Variants in CALD1 observed in about 807,000 individuals in gnomAD.
CALD1 encodes the protein caldesmon.
A neutral mutation model predicts 99.9 loss-of-function variants in CALD1; 33 were observed. The ratio of observed to expected loss-of-function variants is 0.33; its 90% CI spans 0.25 to 0.44. The LOEUF (loss-of-function observed/expected upper bound fraction) is 0.44, where lower values mean the gene tolerates loss of function less well. Ranked by LOEUF, CALD1 falls within the 20% of genes least tolerant of loss-of-function variation. CALD1 has a pLI of 1.00. For missense variants in CALD1, 861 were observed against 962.1 expected, an observed-to-expected ratio of 0.89 and a Z score of 1.39; for synonymous variants, 310 against 325.0, an observed-to-expected ratio of 0.95 and a Z score of 0.50.
chr7:134,830,977 C>T (rs1381026757), intron 1 of CALD1, among the ~76,000 whole-genome samples: 1 of 152,130 alleles, frequency 6.6e-6, no homozygotes, highest in Non-Finnish European at 1.5e-5. Context: ...CTCTACATTA[C>T]TTAGCAATGC....
In CALD1 at chr7:134,947,917, T is replaced by C. The variant is rs182349852; in HGVS notation, c.1794+148T>C. On this transcript the variant is annotated intron_variant, in intron 8 of 14. Transcript: ENST00000361675. Reference sequence around the variant, plus strand: ...TAGGTACTGTTTTATAACTTGTAGATGTATTAATTTGTCCACTGCTTCTAA... The same window carrying C: ...TAGGTACTGTTTTATAACTTGTAGACGTATTAATTTGTCCACTGCTTCTAA... The C allele has an allele frequency of 1.2e-4, 111 of 934,178 alleles. No individual in the cohort carries two copies. In the East Asian group the frequency reaches 2.7e-3, roughly 23 times the overall value. 57.9% of individuals were successfully genotyped at this position (934,178 alleles called of 1,614,324 possible).
intron 3 of CALD1, among the ~76,000 whole-genome samples, chr7:134,905,091 C>T (rs117917759): frequency 5.5e-4 from 84 of 152,186 alleles, no homozygotes; most frequent in Non-Finnish European, 4.3e-4. Context: ...ATGTATTCTG[C>T]GTTTCTCAGC....
Position 134,968,322 on chromosome 7 carries a change from G to T in CALD1, c.2377-18G>T. 6.2e-7 allele frequency: 1 copy of T among 1,613,450 alleles called. No homozygotes were observed. The highest frequency in any genetic ancestry group is 1.1e-5 in the South Asian group (1 of 91,064). On this transcript the variant is annotated intron_variant, in intron 14 of 14. Transcript: ENST00000361675. ...TCACACTACAGGCTGTCAATTTCAA[G>T]TTCTCTTCTCTTGGCAGGTTTGAGA...
intron 7 of CALD1, chr7:134,944,621 AC>A (rs1377835983): frequency 4.3e-4 from 66 of 152,280 alleles, no homozygotes; most frequent in Non-Finnish European, 1.2e-4. Flanking sequence ...AGCTAGAAAC[AC>A]TGTACCATTC....
At chr7:134,737,989 T>C in the CALD1 span, among the ~76,000 whole-genome samples, 1 of 152,194 alleles carries the variant, frequency 6.6e-6, no homozygotes, top group Non-Finnish European at 1.5e-5. Context: ...GATGTTTTTT[T>C]CCACAAAGAG....
At chr7:134,802,433 T>C (rs867168363) in intron 1 of CALD1, among the ~76,000 whole-genome samples, 12 of 152,222 alleles carry the variant, frequency 7.9e-5, no homozygotes, top group African/African-American at 2.4e-4. Context: ...TAATATTTCA[T>C]AGAATTAATA....
chr7:134,856,204 G>A (rs114518366), intron 2 of CALD1, among the ~76,000 whole-genome samples: 7 of 152,292 alleles, frequency 4.6e-5, no homozygotes, highest in South Asian at 2.1e-4. Context: ...GTGCTTTAGC[G>A]AGGAAACAGG....
At chr7:134,957,354 T>C (rs1332840723) in intron 9 of CALD1, among the ~76,000 whole-genome samples, 1 of 152,208 alleles carries the variant, frequency 6.6e-6, no homozygotes, top group Non-Finnish European at 1.5e-5. Context: ...GGTATGTCTC[T>C]AGTAAATACA....
At position 134,933,496 on chromosome 7, in the gene CALD1, G is replaced by A. The variant is rs1361336670; in HGVS notation, c.727G>A (p.Glu243Lys). 6.2e-7 allele frequency: 1 copy of A among 1,613,908 alleles called. No homozygotes were observed. The highest frequency in any genetic ancestry group is 8.5e-7 in the Non-Finnish European group (1 of 1,179,988). ...ISSEEPKQEE[E>K]REQGSDEISH... The stretch of plus-strand genomic sequence containing the variant: ...TTCAGAAGAGCCTAAACAAGAGGAG[G>A]AGAGGGAACAAGGTTCAGATGAGAT... The change falls in exon 5 of 15, where the codon GAG becomes AAG. Residue 243 changes from glutamate to lysine, a missense_variant. By Grantham distance (56) the Glu-to-Lys change is moderately conservative. This residue lies in a region of CALD1 where 234 missense variants were observed against 233.1 expected (regional missense o/e 1.00). Coordinates refer to ENST00000361675, the MANE Select transcript of CALD1 (RefSeq NM_033138.4).
In CALD1 at chr7:134,969,930, C is replaced by T. The variant is rs1315815407; in HGVS notation, c.*1585C>T. ...AAATTGTGTTAGTCTCAATTCCTAC[C>T]ACACTGAGGGAGCCTCCCAAATAAC... is the stretch of plus-strand genomic sequence containing the variant. On this transcript the variant is annotated 3_prime_UTR_variant, in exon 15 of 15. Transcript: ENST00000361675. The T allele has an allele frequency of 2.0e-5, 3 of 152,604 alleles. No homozygotes were observed. The highest frequency in any genetic ancestry group is 3.9e-4 in the East Asian group (2 of 5,194). The allele number at this position is 152,604 out of a possible 1,614,324, so 9.5% of individuals were successfully genotyped here. A position where few individuals can be genotyped will look rare whatever the true frequency, so the allele number is the denominator to read the frequency against.
chr7:134,721,001 G>T, the CALD1 span, among the ~76,000 whole-genome samples: 81 of 152,318 alleles, frequency 5.3e-4, no homozygotes, highest in Non-Finnish European at 9.0e-4. Context: ...TTTGGTGTTT[G>T]CCATGTAACT....
chr7:134,859,790 C>A (rs1386283905), intron 2 of CALD1, among the ~76,000 whole-genome samples: 7 of 152,070 alleles, frequency 4.6e-5, no homozygotes, highest in Non-Finnish European at 7.4e-5. Flanking sequence ...GAAGATGCAA[C>A]CTAAAGTCCC....
intron 1 of CALD1, among the ~76,000 whole-genome samples, chr7:134,843,440 C>T (rs965429984): frequency 5.9e-5 from 9 of 152,192 alleles, no homozygotes; most frequent in Admixed American, 3.9e-4. Flanking sequence ...TTTATGTTTT[C>T]TCTTGAAAGC....
At chr7:134,872,578 C>T (rs1330633322) in intron 3 of CALD1, among the ~76,000 whole-genome samples, 1 of 152,066 alleles carries the variant, frequency 6.6e-6, no homozygotes, top group African/African-American at 2.4e-5. Flanking sequence ...AGATACTATA[C>T]CGAACCATAG....
intron 2 of CALD1, among the ~76,000 whole-genome samples, chr7:134,848,520 T>G (rs1415170065): frequency 6.6e-6 from 1 of 152,188 alleles, no homozygotes; most frequent in Non-Finnish European, 1.5e-5. Context: ...TGTTCTTTAA[T>G]GACCAAATAT....
chr7:134,736,780 A>G, the CALD1 span, among the ~76,000 whole-genome samples: 4 of 152,140 alleles, frequency 2.6e-5, no homozygotes, highest in Non-Finnish European at 5.9e-5. Flanking sequence ...CTTTTCATCC[A>G]ATTAGAAATT....
intron 4 of CALD1, among the ~76,000 whole-genome samples, chr7:134,929,185 T>G (rs1174406383): frequency 6.6e-6 from 1 of 152,196 alleles, no homozygotes; most frequent in African/African-American, 2.4e-5. Flanking sequence ...TTTGTTTAAT[T>G]TAATAAGTAT....
chr7:134,725,151 C>T, the CALD1 span, among the ~76,000 whole-genome samples: 2 of 152,192 alleles, frequency 1.3e-5, no homozygotes, highest in Non-Finnish European at 2.9e-5. Flanking sequence ...CACCATTCTC[C>T]AGGGCCACAG....
chr7:134,735,725 A>T, the CALD1 span, among the ~76,000 whole-genome samples: 1 of 152,276 alleles, frequency 6.6e-6, no homozygotes, highest in South Asian at 2.1e-4. Context: ...TATTGCCGTA[A>T]GGGCAATTGA....
Sources: gnomAD v4.1 joint callset for allele counts (sites outside exome capture counted in the v4.1 genomes callset) on GRCh38, gnomAD v4.1.1 for gene constraint, gnomAD v4.1.1 regional missense constraint, MANE v1.5 for transcripts, NCBI Gene and HGNC (gene_info 2026-07-23, HGNC 2026-07-21) for gene names.